AKT3: variants seen among roughly 807,000 people sequenced by gnomAD.
AKT3 encodes RAC-gamma serine/threonine-protein kinase.
Under a neutral mutation model 65.3 loss-of-function variants are expected in AKT3, and 15 were observed. That is an observed-to-expected ratio of 0.23 (90% CI 0.15 to 0.35). The LOEUF is 0.35. Among genes scored for constraint, AKT3 ranks in the 10% least tolerant of loss-of-function variants. The pLI, the probability that AKT3 is intolerant of heterozygous loss-of-function variation, is 1.00. For missense variants in AKT3, 243 were observed against 576.5 expected (o/e 0.42, Z 5.92); for synonymous variants, 206 against 183.8 (o/e 1.12, Z -0.98).
chr1:243,582,833 A>T (rs1202506143), intron 8 of AKT3, among the ~76,000 whole-genome samples: 1 of 152,056 alleles, frequency 6.6e-6, no homozygotes. Context: ...TAAAAAAACA[A>T]GACTCATCCA....
At chr1:243,565,666 T>G (rs991412222) in intron 9 of AKT3, among the ~76,000 whole-genome samples, 2 of 151,684 alleles carry the variant, frequency 1.3e-5, no homozygotes, top group South Asian at 2.1e-4. Context: ...ACATCAAGAG[T>G]CTTCAACTGT....
At chr1:243,577,822 G>A (rs1038747117) in intron 8 of AKT3, among the ~76,000 whole-genome samples, 1 of 151,540 alleles carries the variant, frequency 6.6e-6, no homozygotes. Context: ...AGTCTACAAG[G>A]AACTTAAACA....
chr1:243,651,397 C>A (rs1681310828), intron 4 of AKT3, among the ~76,000 whole-genome samples: 1 of 152,118 alleles, frequency 6.6e-6, no homozygotes, highest in Non-Finnish European at 1.5e-5. Context: ...CTTTCTCTTA[C>A]CTGATTTCCC....
At chr1:243,801,728 G>T (rs903577308) in intron 2 of AKT3, among the ~76,000 whole-genome samples, 1 of 152,174 alleles carries the variant, frequency 6.6e-6, no homozygotes, top group African/African-American at 2.4e-5. Context: ...GGGCAGTTTT[G>T]CATATTTACC....
chr1:243,495,765 TC>T (rs1298461431), downstream of AKT3, among the ~76,000 whole-genome samples: 7 of 152,156 alleles, frequency 4.6e-5, no homozygotes, highest in African/African-American at 1.7e-4. Flanking sequence ...GGCACCTCTC[TC>T]CTCAGTGCGT....
intron 3 of AKT3, chr1:243,687,761 G>T (rs1463809933): frequency 6.6e-6 from 1 of 152,068 alleles, no homozygotes; most frequent in Admixed American, 6.6e-5. Context: ...TTACATTATA[G>T]TTTTCTTAAA....
At chr1:243,544,580 C>T (rs1672532105) in intron 12 of AKT3, among the ~76,000 whole-genome samples, 1 of 152,098 alleles carries the variant, frequency 6.6e-6, no homozygotes, top group African/African-American at 2.4e-5. Flanking sequence ...CGTGCCGTGC[C>T]ACTGCACTCC....
chr1:243,642,410 C>T (rs2608606), intron 5 of AKT3, among the ~76,000 whole-genome samples: 184 of 152,146 alleles, frequency 1.2e-3, no homozygotes, highest in African/African-American at 3.9e-3. Context: ...CCTGAGATCA[C>T]GACATTCTCC....
intron 9 of AKT3, among the ~76,000 whole-genome samples, chr1:243,569,807 G>A (rs1400082102): frequency 6.6e-6 from 1 of 152,170 alleles, no homozygotes; most frequent in Non-Finnish European, 1.5e-5. Flanking sequence ...CTTTGCAAAT[G>A]TCCCTGTTCA....
intron 3 of AKT3, 68 bp from the exon 4 acceptor site, chr1:243,664,951 C>A: frequency 1.2e-6 from 1 of 845,334 alleles, no homozygotes; most frequent in South Asian, 2.2e-5. Flanking sequence ...TAATTGAGAA[C>A]TACAGAGTTC....
At chr1:243,625,909 T>C (rs578199480) in intron 6 of AKT3, among the ~76,000 whole-genome samples, 1 of 152,296 alleles carries the variant, frequency 6.6e-6, no homozygotes, top group South Asian at 2.1e-4. Context: ...TCTGGTGGAC[T>C]GGGTAAAAGC....
chr1:243,493,177 C>G (rs1189675552), intron 13 of AKT3, among the ~76,000 whole-genome samples: 1 of 135,900 alleles, frequency 7.4e-6, no homozygotes, highest in Non-Finnish European at 1.5e-5. Context: ...CACTCTCGCC[C>G]TCTTGAGAGG....
chr1:243,849,386 A>AACCC (rs1695655077), intron 1 of AKT3, among the ~76,000 whole-genome samples: 11 of 107,020 alleles, frequency 1.0e-4, no homozygotes, highest in African/African-American at 2.7e-4. Flanking sequence ...CCACACACAC[A>AACCC]CCCCCCCCCC....
chr1:243,723,260 G>C (rs769023195), intron 2 of AKT3, among the ~76,000 whole-genome samples: 33 of 152,140 alleles, frequency 2.2e-4, no homozygotes, highest in Non-Finnish European at 1.3e-4. Context: ...TAGCCTAGGA[G>C]TTTTCCTGAA....
intron 2 of AKT3, among the ~76,000 whole-genome samples, chr1:243,779,484 A>C (rs1304174238): frequency 2.6e-5 from 4 of 152,114 alleles, no homozygotes; most frequent in African/African-American, 4.8e-5. Context: ...GATCAAAAAG[A>C]AACAGGAGAT....
At chr1:243,804,301 A>G (rs1319532101) in intron 2 of AKT3, among the ~76,000 whole-genome samples, 3 of 152,224 alleles carry the variant, frequency 2.0e-5, no homozygotes, top group African/African-American at 4.8e-5. Context: ...TCTATCTAAA[A>G]TATACTTTTA....
At chr1:243,621,461 A>G (rs1368532155) in intron 6 of AKT3, among the ~76,000 whole-genome samples, 1 of 152,042 alleles carries the variant, frequency 6.6e-6, no homozygotes, top group Non-Finnish European at 1.5e-5. Flanking sequence ...TTATTCTGTA[A>G]GCATCTCCAG....
chr1:243,787,850 G>A (rs542103059), intron 2 of AKT3, among the ~76,000 whole-genome samples: 2 of 152,120 alleles, frequency 1.3e-5, no homozygotes, highest in East Asian at 1.9e-4. Flanking sequence ...TGTCCTAGGT[G>A]TTCCTCCCAC....
intron 4 of AKT3, among the ~76,000 whole-genome samples, chr1:243,662,318 A>G (rs1163449997): frequency 6.6e-6 from 1 of 152,172 alleles, no homozygotes; most frequent in Non-Finnish European, 1.5e-5. Context: ...AATGTCCAAC[A>G]ATGATAGACT....
Sources: allele counts gnomAD v4.1 joint callset (sites outside exome capture counted in the v4.1 genomes callset), GRCh38; gene constraint gnomAD v4.1.1; transcripts MANE v1.5; gene names NCBI Gene and HGNC (gene_info 2026-07-23, HGNC 2026-07-21).